Variants in TSPAN5 observed in about 807,000 individuals in gnomAD.
TSPAN5 encodes tetraspanin-5.
A neutral mutation model predicts 37.1 loss-of-function variants in TSPAN5; 10 were observed. The observed-to-expected ratio is 0.27, with a 90% CI of 0.17 to 0.46. TSPAN5 has a LOEUF of 0.46. Ranked by LOEUF, TSPAN5 falls within the 20% of genes least tolerant of loss-of-function variation. The pLI is 1.00. For missense variants in TSPAN5, 195 were observed against 326.6 expected (o/e 0.60, Z 3.11); for synonymous variants, 110 against 118.9 (o/e 0.93, Z 0.48).
At chr4:98,518,076 T>C (rs556569170) in intron 1 of TSPAN5, among the ~76,000 whole-genome samples, 1 of 152,048 alleles carries the variant, frequency 6.6e-6, no homozygotes, top group Admixed American at 6.6e-5. Flanking sequence ...ACACTGTTTT[T>C]ATGTTGAAAC....
intron 1 of TSPAN5, among the ~76,000 whole-genome samples, chr4:98,528,590 A>G (rs1754013505): frequency 6.6e-6 from 1 of 152,148 alleles, no homozygotes; most frequent in African/African-American, 2.4e-5. Context: ...GGATGATTAG[A>G]CCTCATACTT....
At position 98,658,539 on chromosome 4, in the gene TSPAN5, C is replaced by G. The variant is rs1757342465; in HGVS notation, c.-313G>C. 5.5e-6 allele frequency: 1 copy of G among 182,796 alleles called. No homozygotes were observed. The highest frequency in any genetic ancestry group is 2.4e-5 in the African/African-American group (1 of 42,522). The allele number at this position is 182,796 out of a possible 1,614,324, so 11.3% of individuals were successfully genotyped here. ...CGCCCGCGTCCGTGCGCCAGGCGGT[C>G]GGTCCGTCGGTTCGTCCCCGGGCTT... On this transcript the variant is annotated 5_prime_UTR_variant, in exon 1 of 8. Transcript: ENST00000305798.
In TSPAN5 at chr4:98,472,459, G is replaced by A. The variant is rs1752609536; in HGVS notation, c.*63C>T. The A allele has an allele frequency of 5.4e-6, 8 of 1,486,232 alleles. No homozygotes were observed. Among genetic ancestry groups the A allele is most frequent in the Non-Finnish European group, 7.5e-6 (8 of 1,069,072 alleles). The allele number at this position is 1,486,232 out of a possible 1,614,324, so 92.1% of individuals were successfully genotyped here. On this transcript the variant is annotated 3_prime_UTR_variant, in exon 8 of 8. Coordinates refer to ENST00000305798, the MANE Select transcript of TSPAN5 (RefSeq NM_005723.4). The stretch of plus-strand genomic sequence containing the variant: ...TCCATGCAGCTCGAAGATCAGTTCG[G>A]CACGCGGGAGGGTCCCGAAAGCTGG...
intron 1 of TSPAN5, among the ~76,000 whole-genome samples, chr4:98,624,639 A>G (rs1206596924): frequency 3.3e-5 from 5 of 152,216 alleles, no homozygotes; most frequent in Non-Finnish European, 5.9e-5. Context: ...CATAAGAAAA[A>G]GTCTTCTCAA....
rs1752819404 is a variant in TSPAN5 at position 98,480,723 on chromosome 4, T to A, written c.450+1282A>T. ...AGGTGTGTCCACAAAGCTCCATCAATGTGTCATGCAAACTAGTCAGGAATA... is the reference window on the plus strand; with the variant it reads ...AGGTGTGTCCACAAAGCTCCATCAAAGTGTCATGCAAACTAGTCAGGAATA... On this transcript the variant is annotated intron_variant, in intron 4 of 7. Transcript: ENST00000305798. Among the ~76,000 whole-genome samples the A allele has an allele frequency of 2.6e-5, 4 of 152,310 alleles. No individual in the cohort carries two copies. The South Asian group carries it at 6.2e-4, about 24-fold the overall frequency.
chr4:98,588,128 T>C (rs1401206103), intron 1 of TSPAN5, among the ~76,000 whole-genome samples: 2 of 152,168 alleles, frequency 1.3e-5, no homozygotes, highest in Non-Finnish European at 2.9e-5. Flanking sequence ...CAGAGTCCTT[T>C]CATTTTCCTG....
In TSPAN5 at chr4:98,567,336, AAAG is replaced by A. The variant is rs1004051204; in HGVS notation, c.82-59611_82-59609del. 3.9e-5 allele frequency among the ~76,000 whole-genome samples: 6 copies of A among 152,228 alleles called. No homozygotes were observed. In the South Asian group the frequency reaches 1.0e-3, roughly 26 times the overall value. On this transcript the variant is annotated intron_variant, in intron 1 of 7. Coordinates refer to ENST00000305798, the MANE Select transcript of TSPAN5 (RefSeq NM_005723.4). ...AACACTGTTTTTAACACACACAAAA[AAAG>A]AAGAAAATGTTCCTGTGGAACTCTT...
chr4:98,554,995 C>T (rs1419259669), intron 1 of TSPAN5, among the ~76,000 whole-genome samples: 3 of 152,126 alleles, frequency 2.0e-5, no homozygotes, highest in African/African-American at 4.8e-5. Context: ...AGTGTTAGGC[C>T]TTGGATGGTA....
chr4:98,639,236 GT>G (rs1756916511), intron 1 of TSPAN5, among the ~76,000 whole-genome samples: 1 of 152,140 alleles, frequency 6.6e-6, no homozygotes, highest in Non-Finnish European at 1.5e-5. Flanking sequence ...AATGTCATGG[GT>G]TACAAAAGCA....
intron 1 of TSPAN5, among the ~76,000 whole-genome samples, chr4:98,539,492 T>A (rs1285015635): frequency 2.0e-5 from 3 of 152,066 alleles, no homozygotes; most frequent in Non-Finnish European, 2.9e-5. Context: ...TGGAATAAAA[T>A]CAAGAAGCTC....
At chr4:98,582,866 T>C (rs1755401110) in intron 1 of TSPAN5, among the ~76,000 whole-genome samples, 1 of 152,170 alleles carries the variant, frequency 6.6e-6, no homozygotes, top group Admixed American at 6.5e-5. Flanking sequence ...CACTTATCAC[T>C]GGAAAGAAGA....
At chr4:98,565,663 T>G (rs1754988754) in intron 1 of TSPAN5, among the ~76,000 whole-genome samples, 1 of 152,198 alleles carries the variant, frequency 6.6e-6, no homozygotes, top group Admixed American at 6.5e-5. Flanking sequence ...TATATACTTG[T>G]TATGGGGACC....
intron 1 of TSPAN5, among the ~76,000 whole-genome samples, chr4:98,529,631 C>T (rs764844247): frequency 6.6e-6 from 1 of 152,152 alleles, no homozygotes; most frequent in Non-Finnish European, 1.5e-5. Context: ...ACTGGGAAAA[C>T]CCCAATTCAA....
chr4:98,620,682 G>A (rs1756460415), intron 1 of TSPAN5, among the ~76,000 whole-genome samples: 1 of 152,198 alleles, frequency 6.6e-6, no homozygotes. Context: ...TTAATGGAAA[G>A]AGAGGGAGAA....
At chr4:98,604,256 ATATGTTC>A (rs1247079721) in intron 1 of TSPAN5, among the ~76,000 whole-genome samples, 1 of 152,154 alleles carries the variant, frequency 6.6e-6, no homozygotes, top group Admixed American at 6.5e-5. Context: ...CAGGCTTCAA[ATATGTTC>A]TATTCTTTAC....
In TSPAN5 at chr4:98,489,637, T is replaced by G. The variant is rs572562763; in HGVS notation, c.133-2753A>C. 4.6e-3 allele frequency among the ~76,000 whole-genome samples: 695 copies of G among 152,288 alleles called. 7 individuals are homozygous for G. Among genetic ancestry groups the G allele is most frequent in the African/African-American group, 0.016 (667 of 41,560 alleles). On this transcript the variant is annotated intron_variant, in intron 2 of 7. Coordinates refer to ENST00000305798, the MANE Select transcript of TSPAN5 (RefSeq NM_005723.4). ...CACCACTGACTTCCACCCCTCCGGA[T>G]CCGGCAGGGTATCCGCTGTGCTCCT...
chr4:98,526,341 A>G (rs1753963022), intron 1 of TSPAN5, among the ~76,000 whole-genome samples: 1 of 152,220 alleles, frequency 6.6e-6, no homozygotes, highest in Admixed American at 6.5e-5. Context: ...TGAACTAGAT[A>G]GTAGTCATGG....
intron 2 of TSPAN5, among the ~76,000 whole-genome samples, chr4:98,504,939 A>C (rs984393325): frequency 1.3e-5 from 2 of 152,148 alleles, no homozygotes; most frequent in African/African-American, 4.8e-5. Context: ...CAAGGCGCCA[A>C]GATTTGGTGT....
At chr4:98,592,499 A>G (rs1275660455) in intron 1 of TSPAN5, among the ~76,000 whole-genome samples, 20 of 143,480 alleles carry the variant, frequency 1.4e-4, no homozygotes, top group Admixed American at 1.4e-3. Context: ...GGTTAGTTAC[A>G]TATGTATACA....
Sources: allele counts gnomAD v4.1 joint callset (sites outside exome capture counted in the v4.1 genomes callset), GRCh38; gene constraint gnomAD v4.1.1; transcripts MANE v1.5; gene names NCBI Gene and HGNC (gene_info 2026-07-23, HGNC 2026-07-21).